DCP1A: variants seen among roughly 807,000 people sequenced by gnomAD.
The protein encoded by DCP1A is mRNA-decapping enzyme 1A.
A neutral mutation model predicts 58.0 loss-of-function variants in DCP1A; 20 were observed. That is an observed-to-expected ratio of 0.34 (90% CI 0.24 to 0.50). DCP1A has a LOEUF of 0.50. DCP1A is among the 20% of genes least tolerant of loss of function. The pLI is 0.98. For missense variants in DCP1A, 613 were observed against 712.2 expected (o/e 0.86, Z 1.59); for synonymous variants, 285 against 275.1 (o/e 1.04, Z -0.36).
chr3:53,318,392 A>G (rs1021192308), intron 4 of DCP1A, among the ~76,000 whole-genome samples: 1 of 152,208 alleles, frequency 6.6e-6, no homozygotes, highest in East Asian at 1.9e-4. Flanking sequence ...TAAACATGTG[A>G]TTGAAAACTG....
chr3:53,322,813 C>A (rs1229738239), intron 3 of DCP1A, among the ~76,000 whole-genome samples: 1 of 135,532 alleles, frequency 7.4e-6, no homozygotes, highest in South Asian at 2.3e-4. Flanking sequence ...TGTTTGTTTG[C>A]TTTTTTTTTT....
At chr3:53,291,706 C>T (rs1445169922) in intron 7 of DCP1A, among the ~76,000 whole-genome samples, 1 of 152,042 alleles carries the variant, frequency 6.6e-6, no homozygotes, top group South Asian at 2.1e-4. Context: ...GTCTAGGATG[C>T]TCTTATGGCA....
chr3:53,324,285 G>A (rs1434089875), intron 3 of DCP1A, among the ~76,000 whole-genome samples: 3 of 152,184 alleles, frequency 2.0e-5, no homozygotes, highest in Non-Finnish European at 2.9e-5. Context: ...GTTCAGACAC[G>A]CATCCAAGAA....
rs1706537522 is a variant in DCP1A at position 53,284,144 on chromosome 3, C to T, written c.*3436G>A. ...GATGCAGGATGCGCACCCTAGGATT[C>T]CTCAGTTCTCCTCACTCACACGGGC... is the stretch of plus-strand genomic sequence containing the variant. On this transcript the variant is annotated 3_prime_UTR_variant, in exon 10 of 10. Coordinates refer to ENST00000610213, the MANE Select transcript of DCP1A (RefSeq NM_018403.7). 2 of 152,236 alleles carry T rather than the reference C, an allele frequency of 1.3e-5. No homozygotes were observed. Among genetic ancestry groups the T allele is most frequent in the Admixed American group, 1.3e-4 (2 of 15,286 alleles). The allele number at this position is 152,236 out of a possible 1,614,324, so 9.4% of individuals were successfully genotyped here. A position where few individuals can be genotyped will look rare whatever the true frequency, so the allele number is the denominator to read the frequency against.
Position 53,292,561 on chromosome 3 carries a change from G to A in DCP1A, c.891C>T (p.Ala297=), listed in dbSNP as rs1553686271. Residue 297 remains alanine, a synonymous_variant, in exon 7 of 10, where the codon GCC becomes GCT. Coordinates refer to ENST00000610213, the MANE Select transcript of DCP1A (RefSeq NM_018403.7). Reference sequence around the variant, plus strand: ...GCTTTTCATTGGACTGTGTGATGGAGGCTGGAGTGATTAGCACCGGGGTGG... The same window carrying A: ...GCTTTTCATTGGACTGTGTGATGGAAGCTGGAGTGATTAGCACCGGGGTGG... ...EITTPVLITP[A]SITQSNEKHA... is the part of the protein sequence containing the mutation. 4 of 1,614,000 alleles carry A rather than the reference G, an allele frequency of 2.5e-6. No individual in the cohort carries two copies. The South Asian group carries it at 3.3e-5, about 13-fold the overall frequency.
At chr3:53,292,852 G>A in intron 6 of DCP1A, 25 bp from the exon 7 acceptor site, 1 of 1,580,702 alleles carries the variant, frequency 6.3e-7, no homozygotes, top group Non-Finnish European at 8.5e-7. Flanking sequence ...AAACCACCCA[G>A]TCAAAGAGGT....
intron 4 of DCP1A, among the ~76,000 whole-genome samples, chr3:53,315,516 CAG>C (rs1553689150): frequency 8.8e-6 from 1 of 113,308 alleles, no homozygotes; most frequent in Non-Finnish European, 1.7e-5. Flanking sequence ...TCCTGGGTGA[CAG>C]AGCAAGACTC....
At chr3:53,305,244 TA>T (rs2106822109) in intron 5 of DCP1A, among the ~76,000 whole-genome samples, 1 of 152,380 alleles carries the variant, frequency 6.6e-6, no homozygotes, top group African/African-American at 2.4e-5. Context: ...CGTGAGTGTT[TA>T]ACCATTCACT....
intron 5 of DCP1A, among the ~76,000 whole-genome samples, chr3:53,310,002 G>T (rs1465483405): frequency 6.6e-6 from 1 of 152,178 alleles, no homozygotes; most frequent in Non-Finnish European, 1.5e-5. Context: ...CAAGACCCAT[G>T]AATTCATGGG....
At chr3:53,330,243 T>A (rs998770435) in intron 3 of DCP1A, among the ~76,000 whole-genome samples, 72 of 152,146 alleles carry the variant, frequency 4.7e-4, no homozygotes, top group African/African-American at 1.7e-3. Flanking sequence ...TCATTAAGAA[T>A]CCTGACCCAG....
rs1341725411 is a variant in DCP1A at position 53,319,345 on chromosome 3, G to A, written c.371+62C>T. 3.8e-6 allele frequency: 4 copies of A among 1,056,884 alleles called. No individual in the cohort carries two copies. The African/African-American group carries it at 6.4e-5, about 17-fold the overall frequency. 65.5% of individuals were successfully genotyped at this position (1,056,884 alleles called of 1,614,324 possible). ...CAGACTTTAGTAACAAAGAGAAGTG[G>A]GAGGGGATTATTTTTCATTTCTCAC... On this transcript the variant is annotated intron_variant, in intron 4 of 9. Transcript: ENST00000610213.
chr3:53,317,969 G>A (rs1228564164), intron 4 of DCP1A, among the ~76,000 whole-genome samples: 1 of 152,212 alleles, frequency 6.6e-6, no homozygotes, highest in Admixed American at 6.5e-5. Context: ...CATGAACTGA[G>A]ATTCTGGGTT....
intron 4 of DCP1A, among the ~76,000 whole-genome samples, chr3:53,315,726 G>C (rs147147269): frequency 1.4e-5 from 2 of 147,392 alleles, no homozygotes; most frequent in African/African-American, 5.0e-5. Flanking sequence ...AACATTGTTT[G>C]GAGTAAATCA....
At chr3:53,300,339 CTT>C (rs34299781) in intron 6 of DCP1A, among the ~76,000 whole-genome samples, 3 of 139,514 alleles carry the variant, frequency 2.2e-5, no homozygotes, top group Non-Finnish European at 3.1e-5. Flanking sequence ...TGCTTTATGA[CTT>C]TTTTTTTTTT....
chr3:53,347,363 C>A lies in DCP1A; in HGVS notation c.135+20G>T. ...ACGGCAGCGGCCGGGTGGCCGTCCT[C>A]AGGGCCAGGCGGCACTCACCCACTG... On this transcript the variant is annotated intron_variant, in intron 1 of 9. Coordinates refer to ENST00000610213, the MANE Select transcript of DCP1A (RefSeq NM_018403.7). 1 of 1,549,394 alleles carries A rather than the reference C, an allele frequency of 6.5e-7. No individual in the cohort carries two copies. Among genetic ancestry groups the A allele is most frequent in the Admixed American group, 2.0e-5 (1 of 49,496 alleles).
chr3:53,319,423 CT>C lies in DCP1A; in HGVS notation c.354del (p.Ile118MetfsTer9). On this transcript the variant is annotated frameshift_variant, in exon 4 of 10. Coordinates refer to ENST00000610213, the MANE Select transcript of DCP1A (RefSeq NM_018403.7). LOFTEE classifies it high-confidence loss of function. Reference sequence around the variant, plus strand: ...TATACTTACTCAGCCATGAGTTTTGCTATGCGGTGACAGTCATTCTTGTCAT... The same window carrying C: ...TATACTTACTCAGCCATGAGTTTTGCATGCGGTGACAGTCATTCTTGTCAT... The part of the protein sequence containing the change: ...WFYDKNDCHR[I>X]AKLMADVVEE... 1 of 1,559,330 alleles carries C rather than the reference CT, an allele frequency of 6.4e-7. No individual in the cohort carries two copies. Among genetic ancestry groups the C allele is most frequent in the South Asian group, 1.2e-5 (1 of 84,598 alleles).
intron 3 of DCP1A, chr3:53,333,033 C>T (rs1318246656): frequency 1.3e-5 from 2 of 151,632 alleles, no homozygotes; most frequent in Admixed American, 6.6e-5. Flanking sequence ...TCTCTAATTG[C>T]TAAAAGTAGG....
chr3:53,331,591 G>A (rs1459274228), intron 3 of DCP1A, among the ~76,000 whole-genome samples: 1 of 146,004 alleles, frequency 6.8e-6, no homozygotes, highest in Non-Finnish European at 1.5e-5. Flanking sequence ...ACTCTATGAT[G>A]TGCATACAAC....
At chr3:53,316,034 G>A (rs1553689213) in intron 4 of DCP1A, among the ~76,000 whole-genome samples, 3 of 152,110 alleles carry the variant, frequency 2.0e-5, no homozygotes, top group South Asian at 2.1e-4. Context: ...GATTACAGGC[G>A]TGAGCCACCG....
Sources: allele counts gnomAD v4.1 joint callset (sites outside exome capture counted in the v4.1 genomes callset), GRCh38; gene constraint gnomAD v4.1.1; transcripts MANE v1.5; gene names NCBI Gene and HGNC (gene_info 2026-07-23, HGNC 2026-07-21).